NTRK3: variants seen among roughly 807,000 people sequenced by gnomAD.
The protein encoded by NTRK3 is neurotrophic receptor tyrosine kinase 3, also known as NT-3 growth factor receptor.
NTRK3 carries 24 observed loss-of-function variants against 91.7 expected under a neutral mutation model. The observed-to-expected ratio is 0.26, with a 90% confidence interval of 0.19 to 0.37. The LOEUF (loss-of-function observed/expected upper bound fraction) is 0.37. Among genes scored for constraint, NTRK3 ranks in the 10% least tolerant of loss-of-function variants. The probability of loss-of-function intolerance (pLI) is 1.00; values close to 1 mark genes in which losing one functional copy is unlikely to be tolerated. For synonymous variants in NTRK3, 483 were observed against 404.0 expected, an observed-to-expected ratio of 1.20 and a Z score of -2.34; for missense variants, 880 against 1,068.9, an observed-to-expected ratio of 0.82 and a Z score of 2.46.
chr15:88,172,973 C>A (rs1486217069), intron 5 of NTRK3, among the ~76,000 whole-genome samples: 3 of 152,152 alleles, frequency 2.0e-5, no homozygotes, highest in African/African-American at 7.2e-5. Context: ...AATTTACTTT[C>A]TTTGGAGGCA....
chr15:87,977,850 C>T, intron 14 of NTRK3: 1 of 232,696 alleles, frequency 4.3e-6, no homozygotes, highest in Non-Finnish European at 8.5e-6. Flanking sequence ...CCACAGGACC[C>T]AAGAAGTAAA....
At chr15:88,183,857 C>A (rs751274876) in intron 4 of NTRK3, among the ~76,000 whole-genome samples, 2 of 152,296 alleles carry the variant, frequency 1.3e-5, no homozygotes, top group Non-Finnish European at 1.5e-5. Flanking sequence ...GTACCGACAT[C>A]CAAGGGTGGA....
rs987778325 is a variant in NTRK3, at chr15:88,150,299, C to T, written c.396-2896G>A. 3.3e-5 allele frequency among the ~76,000 whole-genome samples: 5 copies of T among 152,084 alleles called. No individual in the cohort carries two copies. In the East Asian group the frequency reaches 7.7e-4, roughly 24 times the overall value. On this transcript the variant is annotated intron_variant, in intron 5 of 18. Coordinates refer to ENST00000394480, the Ensembl canonical transcript of NTRK3. ...CCCGAGGCAGAGAGCAGGCTGCCAG[C>T]GATGTCCTCTCACAAAGGTCATGCT...
chr15:88,253,876 T>C lies in NTRK3; in HGVS notation c.248+2030A>G, dbSNP rs138942792. On this transcript the variant is annotated intron_variant, in intron 3 of 18. Coordinates refer to ENST00000394480, the Ensembl canonical transcript of NTRK3. ...CCCCAGTCCCCTCCCATCACAGACC[T>C]TTCTGGCAGCCTAGAAAGGCTAACC... Among the ~76,000 whole-genome samples, 226 of 152,236 alleles carry C rather than the reference T, an allele frequency of 1.5e-3. 1 individual carries two copies. In the South Asian group the frequency reaches 0.019, roughly 13 times the overall value.
intron 14 of NTRK3, chr15:87,978,818 G>A (rs781773644): frequency 4.7e-5 from 11 of 235,728 alleles, no homozygotes; most frequent in African/African-American, 1.3e-4. Flanking sequence ...TCCTCTTACC[G>A]CGCCGTCTCC....
intron 13 of NTRK3, among the ~76,000 whole-genome samples, chr15:88,105,836 C>T (rs1306594776): frequency 6.6e-6 from 1 of 152,128 alleles, no homozygotes; most frequent in African/African-American, 2.4e-5. Flanking sequence ...TATGTAATCC[C>T]AGTCAAATCT....
At chr15:88,069,174 A>G (rs1323564107) in intron 13 of NTRK3, among the ~76,000 whole-genome samples, 1 of 152,174 alleles carries the variant, frequency 6.6e-6, no homozygotes, top group Admixed American at 6.5e-5. Context: ...AAACTTTAGG[A>G]CAACCTTGCA....
intron 17 of NTRK3, among the ~76,000 whole-genome samples, chr15:87,921,130 T>C (rs550627801): frequency 1.5e-4 from 23 of 152,314 alleles, no homozygotes; most frequent in African/African-American, 4.8e-4. Context: ...TAAAATTTTA[T>C]TATAAAAATT....
intron 10 of NTRK3, among the ~76,000 whole-genome samples, chr15:88,131,392 C>A (rs1216928133): frequency 6.6e-6 from 1 of 152,186 alleles, no homozygotes; most frequent in Admixed American, 6.5e-5. Flanking sequence ...CAAAGAAAGC[C>A]TTACTTATGG....
At chr15:88,135,342 G>A (rs746542638) in exon 10 of NTRK3, 14 of 1,614,054 alleles carry the variant, frequency 8.7e-6, no homozygotes, top group South Asian at 5.5e-5. Context: ...CCACAAACTC[G>A]ATGCAGTGCT....
At chr15:87,977,017 G>C (rs1421604866) in intron 14 of NTRK3, among the ~76,000 whole-genome samples, 2 of 152,174 alleles carry the variant, frequency 1.3e-5, no homozygotes, top group Non-Finnish European at 2.9e-5. Context: ...GCTACCAAAG[G>C]AGTGAGGGTC....
At chr15:88,011,880 T>C (rs2076906929) in intron 14 of NTRK3, among the ~76,000 whole-genome samples, 1 of 152,254 alleles carries the variant, frequency 6.6e-6, no homozygotes, top group Non-Finnish European at 1.5e-5. Flanking sequence ...GTAATAGTGC[T>C]GACAGCCAGA....
intron 17 of NTRK3, among the ~76,000 whole-genome samples, chr15:87,910,751 G>A (rs1268588045): frequency 6.6e-6 from 1 of 152,164 alleles, no homozygotes; most frequent in African/African-American, 2.4e-5. Flanking sequence ...TATAACTTGT[G>A]GAACAAAGCA....
intron 3 of NTRK3, among the ~76,000 whole-genome samples, chr15:88,231,134 G>C (rs1214905477): frequency 2.0e-5 from 3 of 152,280 alleles, no homozygotes; most frequent in Middle Eastern, 3.4e-3. Context: ...GTTCCAAACA[G>C]ATGTCACAGA....
exon 9 of NTRK3, chr15:88,135,964 G>A (rs2151202007): frequency 6.2e-7 from 1 of 1,614,238 alleles, no homozygotes; most frequent in Non-Finnish European, 8.5e-7. Context: ...GCACGTCAGG[G>A]TGAAGCCATT....
exon 19 of NTRK3, chr15:87,861,053 A>G (rs1222601995): frequency 2.2e-5 from 5 of 226,070 alleles, no homozygotes; most frequent in Admixed American, 1.1e-4. Context: ...GCCTCAGAAC[A>G]GGTGTGCCCA....
chr15:87,981,785 G>A (rs2074296742), intron 14 of NTRK3, among the ~76,000 whole-genome samples: 1 of 152,092 alleles, frequency 6.6e-6, no homozygotes, highest in African/African-American at 2.4e-5. Flanking sequence ...CCTCTTTCTG[G>A]CTTCTAATAT....
At chr15:88,122,242 A>C (rs1207764124) in intron 13 of NTRK3, among the ~76,000 whole-genome samples, 1 of 152,248 alleles carries the variant, frequency 6.6e-6, no homozygotes, top group African/African-American at 2.4e-5. Context: ...ATGTGTACAT[A>C]TACATATAGG....
chr15:87,984,229 A>T (rs1350719024), intron 14 of NTRK3, among the ~76,000 whole-genome samples: 1 of 152,162 alleles, frequency 6.6e-6, no homozygotes. Flanking sequence ...TTTCCTGAGC[A>T]CCCACCCCAG....
Sources: gnomAD v4.1 joint callset for allele counts (sites outside exome capture counted in the v4.1 genomes callset) on GRCh38, gnomAD v4.1.1 for gene constraint, MANE v1.5 for transcripts, NCBI Gene and HGNC (gene_info 2026-07-23, HGNC 2026-07-21) for gene names.